Variants in EPHA6 observed in about 807,000 individuals in gnomAD.
The protein encoded by EPHA6 is EPH receptor A6.
EPHA6 carries 50 observed loss-of-function variants against 112.0 expected under a neutral mutation model. That is an observed-to-expected ratio of 0.45 (90% CI 0.36 to 0.56). The LOEUF is 0.56. EPHA6 is among the 20% of genes least tolerant of loss of function. The probability of loss-of-function intolerance (pLI) is 0.00; values close to 1 mark genes in which losing one functional copy is unlikely to be tolerated. For missense variants in EPHA6, 1,280 were observed against 1,417.4 expected (o/e 0.90, Z 1.56); for synonymous variants, 529 against 490.7 (o/e 1.08, Z -1.03).
chr3:97,002,042 C>T (rs1463910688), intron 3 of EPHA6, among the ~76,000 whole-genome samples: 1 of 151,868 alleles, frequency 6.6e-6, no homozygotes, highest in African/African-American at 2.4e-5. Context: ...CTAATATTCT[C>T]ATTTCTTGGT....
At chr3:96,841,305 C>T (rs2034733580) in intron 1 of EPHA6, among the ~76,000 whole-genome samples, 1 of 152,106 alleles carries the variant, frequency 6.6e-6, no homozygotes, top group African/African-American at 2.4e-5. Context: ...AGAGGGGTGA[C>T]TTTGAACAGA....
intron 12 of EPHA6, among the ~76,000 whole-genome samples, chr3:97,601,913 A>G (rs1035356572): frequency 1.3e-5 from 2 of 152,096 alleles, no homozygotes; most frequent in Non-Finnish European, 2.9e-5. Flanking sequence ...AAAAGCCGAA[A>G]GCAAAATATT....
intron 5 of EPHA6, among the ~76,000 whole-genome samples, chr3:97,322,348 A>T (rs990475349): frequency 6.6e-6 from 1 of 152,022 alleles, no homozygotes; most frequent in African/African-American, 2.4e-5. Flanking sequence ...TTTCCTGTTT[A>T]TGGAAGGCAA....
chr3:97,614,442 C>T lies in EPHA6; in HGVS notation c.2574+3588C>T, dbSNP rs1275170502. ...CTCCGCCTCCCGGGTTCAAGTGATT[C>T]TCCTGCCTCAGCCTCCCAAGTAACT... On this transcript the variant is annotated intron_variant, in intron 13 of 17. Transcript: ENST00000389672. Among the ~76,000 whole-genome samples, 3 of 147,942 alleles carry T rather than the reference C, an allele frequency of 2.0e-5. No individual in the cohort carries two copies. The Admixed American group carries it at 2.0e-4, about 10-fold the overall frequency.
intron 5 of EPHA6, among the ~76,000 whole-genome samples, chr3:97,324,282 T>A (rs2082258828): frequency 6.6e-6 from 1 of 152,028 alleles, no homozygotes; most frequent in Non-Finnish European, 1.5e-5. Context: ...GGGAGCTCCC[T>A]TCCTCTGAAT....
At chr3:97,025,442 G>T (rs1434068802) in intron 3 of EPHA6, among the ~76,000 whole-genome samples, 1 of 152,006 alleles carries the variant, frequency 6.6e-6, no homozygotes, top group African/African-American at 2.4e-5. Context: ...TAGGTTGTCT[G>T]TTCATTCTGT....
At chr3:96,935,206 C>G (rs1296569382) in intron 2 of EPHA6, among the ~76,000 whole-genome samples, 3 of 151,762 alleles carry the variant, frequency 2.0e-5, no homozygotes, top group Non-Finnish European at 4.4e-5. Context: ...TAAACTATAA[C>G]TAAATTATCA....
At chr3:96,882,954 T>C (rs1576229321) in intron 2 of EPHA6, among the ~76,000 whole-genome samples, 1 of 152,308 alleles carries the variant, frequency 6.6e-6, no homozygotes, top group Admixed American at 6.5e-5. Context: ...AGTAGTGGGA[T>C]TGCTGGATCA....
intron 14 of EPHA6, among the ~76,000 whole-genome samples, chr3:97,694,312 C>A (rs2032873997): frequency 6.6e-6 from 1 of 151,878 alleles, no homozygotes; most frequent in Admixed American, 6.6e-5. Flanking sequence ...TCTCGGCTCA[C>A]TGCAACCTTT....
At position 97,756,856 on chromosome 3, in the gene EPHA6, A is replaced by T. The variant is rs908900697; in HGVS notation, c.*8155A>T. ...TTATTCATTTTGTTAGTCACATTCC[A>T]CCTTGGATTGTGACATTGAAAAACA... On this transcript the variant is annotated 3_prime_UTR_variant, in exon 18 of 18. Transcript: ENST00000389672. Among the ~76,000 whole-genome samples the T allele has an allele frequency of 1.3e-4, 19 of 151,790 alleles. No individual in the cohort carries two copies. The highest frequency in any genetic ancestry group is 4.1e-4 in the African/African-American group (17 of 41,412).
intron 2 of EPHA6, among the ~76,000 whole-genome samples, chr3:96,879,964 G>A (rs1418230960): frequency 1.3e-5 from 2 of 151,990 alleles, no homozygotes; most frequent in African/African-American, 4.8e-5. Flanking sequence ...GAGGATAGGA[G>A]GGGGCAGTGA....
intron 1 of EPHA6, among the ~76,000 whole-genome samples, chr3:96,854,854 A>G (rs777621178): frequency 1.3e-4 from 20 of 152,094 alleles, no homozygotes; most frequent in Non-Finnish European, 2.5e-4. Context: ...TGATTTAAAA[A>G]CCTTACTGTA....
chr3:97,227,243 AG>A (rs1337367743), intron 4 of EPHA6, among the ~76,000 whole-genome samples: 2 of 150,332 alleles, frequency 1.3e-5, no homozygotes, highest in Non-Finnish European at 1.5e-5. Context: ...TTTTCGAGAC[AG>A]AGTTTTGCTC....
intron 14 of EPHA6, among the ~76,000 whole-genome samples, chr3:97,673,460 A>C (rs1231315157): frequency 6.6e-6 from 1 of 152,194 alleles, no homozygotes; most frequent in Non-Finnish European, 1.5e-5. Flanking sequence ...TGAATTCACA[A>C]TTATTAGAAT....
At chr3:97,342,633 T>C (rs533864696) in intron 5 of EPHA6, among the ~76,000 whole-genome samples, 7 of 152,138 alleles carry the variant, frequency 4.6e-5, no homozygotes, top group Non-Finnish European at 1.0e-4. Flanking sequence ...ATTTAGGAGG[T>C]AATTACGTCA....
At chr3:97,174,878 C>T (rs1004661249) in intron 3 of EPHA6, among the ~76,000 whole-genome samples, 7 of 151,566 alleles carry the variant, frequency 4.6e-5, no homozygotes, top group African/African-American at 9.7e-5. Context: ...GTATCTTTGC[C>T]GTGAAGAGCC....
intron 3 of EPHA6, among the ~76,000 whole-genome samples, chr3:97,125,442 A>C (rs1029907485): frequency 2.6e-5 from 4 of 152,258 alleles, no homozygotes; most frequent in Admixed American, 1.3e-4. Flanking sequence ...ATTTCTATAA[A>C]ATTTAAGATC....
intron 7 of EPHA6, among the ~76,000 whole-genome samples, chr3:97,464,041 CA>C (rs2090976233): frequency 6.6e-6 from 1 of 152,094 alleles, no homozygotes; most frequent in Non-Finnish European, 1.5e-5. Context: ...ACACAGCCAC[CA>C]ATCTCTGTTT....
chr3:97,043,348 T>G (rs2045386296), intron 3 of EPHA6, among the ~76,000 whole-genome samples: 1 of 152,158 alleles, frequency 6.6e-6, no homozygotes, highest in Non-Finnish European at 1.5e-5. Flanking sequence ...TCTCTCTTTC[T>G]GGAACTTTAT....
Sources: gnomAD v4.1 joint callset for allele counts (sites outside exome capture counted in the v4.1 genomes callset) on GRCh38, gnomAD v4.1.1 for gene constraint, MANE v1.5 for transcripts, NCBI Gene and HGNC (gene_info 2026-07-23, HGNC 2026-07-21) for gene names.